The following KIF3B variants were observed in gnomAD, a reference collection of about 807,000 sequenced individuals.
KIF3B encodes kinesin family member 3B.
KIF3B carries 38 observed loss-of-function variants against 74.3 expected under a neutral mutation model. The observed-to-expected ratio is 0.51, with a 90% CI of 0.39 to 0.67. The LOEUF (loss-of-function observed/expected upper bound fraction) is 0.67, where lower values mean the gene tolerates loss of function less well. Ranked by LOEUF, KIF3B falls within the 30% of genes least tolerant of loss-of-function variation. KIF3B has a pLI of 0.00. For missense variants in KIF3B, 649 were observed against 932.0 expected, an observed-to-expected ratio of 0.70 and a Z score of 3.95; for synonymous variants, 326 against 342.5, an observed-to-expected ratio of 0.95 and a Z score of 0.53.
intron 1 of KIF3B, among the ~76,000 whole-genome samples, chr20:32,279,265 G>A (rs73108541): frequency 2.0e-5 from 3 of 151,966 alleles, no homozygotes; most frequent in African/African-American, 4.8e-5. Context: ...GGAAGTGGAC[G>A]TGTTTCTAGG....
At chr20:32,313,211 A>G (rs1185521175) in intron 2 of KIF3B, among the ~76,000 whole-genome samples, 1 of 152,076 alleles carries the variant, frequency 6.6e-6, no homozygotes, top group Non-Finnish European at 1.5e-5. Context: ...AGTTGCCTGG[A>G]CTCTGAGCTT....
Position 32,330,292 on chromosome 20 carries a change from G to A in KIF3B, c.2120G>A (p.Ser707Asn). ...CAGGTGGATGCATCATCATTTGAAA[G>A]CACTGCAAATAAGAAATCCAAGGCC... ...EIQVDASSFE[S>N]TANKKSKARP... Residue 707 changes from serine (S) to asparagine (N), a missense_variant, in exon 8 of 9, where the codon AGC becomes AAC. Ser to Asn is a conservative substitution (Grantham distance 46). This residue lies in a region of KIF3B where 186 missense variants were observed against 198.5 expected (regional missense o/e 0.94). Transcript: ENST00000375712. 6.2e-7 allele frequency: 1 copy of A among 1,614,050 alleles called. No individual in the cohort carries two copies. The highest frequency in any genetic ancestry group is 2.2e-5 in the East Asian group (1 of 44,874).
rs776291932 is a variant in KIF3B, at chr20:32,310,010, G to A, written c.233G>A (p.Arg78Gln). 19 of 1,614,100 alleles carry A rather than the reference G, an allele frequency of 1.2e-5. No individual in the cohort carries two copies. The highest frequency in any genetic ancestry group is 1.7e-5 in the Admixed American group (1 of 60,010). The part of the protein sequence containing the change: ...KQFELYDETF[R>Q]PLVDSVLQGF... ...TTTGAACTGTACGATGAGACGTTCC[G>A]ACCACTTGTTGACTCTGTCCTGCAA... The change falls in exon 2 of 9, where the codon CGA (arginine) becomes CAA (glutamine). Residue 78 changes from arginine to glutamine, a missense_variant. Physicochemically the swap from Arg to Gln is conservative, Grantham distance 43. Coordinates refer to ENST00000375712, the MANE Select transcript of KIF3B (RefSeq NM_004798.4). The surrounding 1 kb of genome is among the most constrained non-coding windows in gnomAD (Gnocchi z 6.5).
intron 5 of KIF3B, among the ~76,000 whole-genome samples, chr20:32,322,780 T>TTA (rs1262191572): frequency 1.9e-4 from 11 of 58,074 alleles, no homozygotes; most frequent in African/African-American, 6.9e-4. Flanking sequence ...ATATATATAT[T>TTA]TATATATATT....
chr20:32,298,072 T>C (rs1220609703), intron 1 of KIF3B, among the ~76,000 whole-genome samples: 8 of 150,046 alleles, frequency 5.3e-5, no homozygotes, highest in African/African-American at 2.0e-4. Flanking sequence ...ATCATGTCGT[T>C]GCACTCCAGC....
chr20:32,319,914 A>T (rs2047850684), intron 5 of KIF3B, among the ~76,000 whole-genome samples: 1 of 150,344 alleles, frequency 6.7e-6, no homozygotes, highest in Non-Finnish European at 1.5e-5. Flanking sequence ...GTTTTTTTTG[A>T]GACAGAGTCT....
intron 1 of KIF3B, among the ~76,000 whole-genome samples, chr20:32,281,640 C>G (rs532390869): frequency 3.4e-4 from 52 of 152,206 alleles, no homozygotes; most frequent in African/African-American, 1.2e-3. Flanking sequence ...TTGCTTGAAC[C>G]TGGGAAGCAG....
At chr20:32,321,495 A>G (rs554885960) in intron 5 of KIF3B, among the ~76,000 whole-genome samples, 2 of 152,120 alleles carry the variant, frequency 1.3e-5, no homozygotes, top group South Asian at 2.1e-4. Flanking sequence ...TGGACTTTCA[A>G]TACTGTTCCA....
In KIF3B at chr20:32,313,309, T is replaced by G. The variant is rs2047811239; in HGVS notation, c.1404+2128T>G. Among the ~76,000 whole-genome samples, 5 of 152,370 alleles carry G rather than the reference T, an allele frequency of 3.3e-5. 1 individual carries two copies. The East Asian group carries it at 7.7e-4, about 23-fold the overall frequency. The stretch of plus-strand genomic sequence containing the variant: ...TGGCTAACCACAAGGCAGAATTCCT[T>G]GGAAATGTTCAGTTCTGTTTTATTG... On this transcript the variant is annotated intron_variant, in intron 2 of 8. Transcript: ENST00000375712.
chr20:32,304,029 A>T (rs77826208), intron 1 of KIF3B, among the ~76,000 whole-genome samples: 4,062 of 152,268 alleles, frequency 0.027, 180 homozygotes, highest in African/African-American at 0.093. Flanking sequence ...TTCCACCCTT[A>T]TAAGCACCTC....
chr20:32,277,702 C>T lies in KIF3B; in HGVS notation c.-129C>T, dbSNP rs2047622444. 2 of 264,460 alleles carry T rather than the reference C, an allele frequency of 7.6e-6. No individual in the cohort carries two copies. Among genetic ancestry groups the T allele is most frequent in the East Asian group, 8.6e-5 (1 of 11,646 alleles). The allele number at this position is 264,460 out of a possible 1,614,324, so 16.4% of individuals were successfully genotyped here. On this transcript the variant is annotated 5_prime_UTR_variant, in exon 1 of 9. Transcript: ENST00000375712. ...GGGAATGGCTGAGCCAGGGGTTCGC[C>T]GCCCCCGCCGCCGCCGCCGCCGCCG... is the stretch of plus-strand genomic sequence containing the variant.
At chr20:32,300,285 A>AT (rs1009429269) in intron 1 of KIF3B, among the ~76,000 whole-genome samples, 1 of 148,074 alleles carries the variant, frequency 6.8e-6, no homozygotes, top group Non-Finnish European at 1.5e-5. Flanking sequence ...TTAAATGTAA[A>AT]TTTTTTTTTT....
chr20:32,329,383 T>G (rs1179081107), intron 7 of KIF3B, among the ~76,000 whole-genome samples: 3 of 149,384 alleles, frequency 2.0e-5, no homozygotes, highest in Non-Finnish European at 4.4e-5. Context: ...AGGATCTCAC[T>G]GTGTCACCCA....
At chr20:32,325,575 T>C (rs1443006687) in intron 5 of KIF3B, among the ~76,000 whole-genome samples, 1 of 151,074 alleles carries the variant, frequency 6.6e-6, no homozygotes, top group African/African-American at 2.4e-5. Context: ...GTTTCTGAAA[T>C]GTCAAAGAGA....
intron 5 of KIF3B, among the ~76,000 whole-genome samples, chr20:32,324,739 TA>T (rs2047894091): frequency 6.6e-6 from 1 of 152,052 alleles, no homozygotes; most frequent in African/African-American, 2.4e-5. Flanking sequence ...CCCTTAAAAT[TA>T]AATGTAGGCA....
rs1370845223 is a variant in KIF3B, at chr20:32,316,616, A to G, written c.1596A>G (p.Gln532=). ...ELKETYSSLQ[Q]EVDIKTKKLK... ...AAGAGACATACAGCTCATTGCAGCA[A>G]GAGGTGGACATCAAGACCAAAAAAC... The change falls in exon 4 of 9, where the codon CAA becomes CAG. Residue 532 remains glutamine, a synonymous_variant. Coordinates refer to ENST00000375712, the MANE Select transcript of KIF3B (RefSeq NM_004798.4). 2.5e-6 allele frequency: 4 copies of G among 1,614,060 alleles called. No individual in the cohort carries two copies. Among genetic ancestry groups the G allele is most frequent in the African/African-American group, 1.3e-5 (1 of 74,926 alleles).
At chr20:32,312,521 A>G (rs1028479814) in intron 2 of KIF3B, among the ~76,000 whole-genome samples, 6 of 151,992 alleles carry the variant, frequency 3.9e-5, no homozygotes, top group African/African-American at 7.3e-5. Context: ...CTACATGTAT[A>G]TTTCTAAAGA....
At chr20:32,306,178 A>G (rs998851203) in intron 1 of KIF3B, among the ~76,000 whole-genome samples, 1 of 151,430 alleles carries the variant, frequency 6.6e-6, no homozygotes, top group African/African-American at 2.4e-5. Context: ...GCCAGTCATG[A>G]GGTCAGGAGA....
rs56795658 is a variant in KIF3B at position 32,285,267 on chromosome 20, C to T, written c.-66+7502C>T. On this transcript the variant is annotated intron_variant, in intron 1 of 8. Coordinates refer to ENST00000375712, the MANE Select transcript of KIF3B (RefSeq NM_004798.4). The stretch of plus-strand genomic sequence containing the variant: ...TTCTTAGTGATCTAACTTCAGGGTC[C>T]GAACAGCTGAAGCAGGTAGGAACTG... Among the ~76,000 whole-genome samples the T allele has an allele frequency of 6.3e-3, 960 of 152,250 alleles. 12 individuals are homozygous for T. The highest frequency in any genetic ancestry group is 0.022 in the African/African-American group (904 of 41,546).
Sources: gnomAD v4.1 joint callset for allele counts (sites outside exome capture counted in the v4.1 genomes callset) on GRCh38, gnomAD v4.1.1 for gene constraint, gnomAD v4.1.1 regional missense constraint, Gnocchi (gnomAD v3.1) non-coding constraint, MANE v1.5 for transcripts, NCBI Gene and HGNC (gene_info 2026-07-23, HGNC 2026-07-21) for gene names.